Variants in GALNTL6 observed in about 807,000 individuals in gnomAD.
GALNTL6 encodes the protein polypeptide N-acetylgalactosaminyltransferase-like 6.
A neutral mutation model predicts 73.7 loss-of-function variants in GALNTL6; 46 were observed. The observed-to-expected ratio is 0.62, with a 90% CI of 0.49 to 0.80. The LOEUF (loss-of-function observed/expected upper bound fraction) is 0.80. GALNTL6 is among the 30% of genes least tolerant of loss of function. GALNTL6 has a pLI of 0.00. For synonymous variants in GALNTL6, 259 were observed against 263.7 expected (o/e 0.98, Z 0.17); for missense variants, 604 against 755.0 (o/e 0.80, Z 2.34).
chr4:172,962,362 A>G (rs1329922267), intron 10 of GALNTL6, among the ~76,000 whole-genome samples: 2 of 152,232 alleles, frequency 1.3e-5, no homozygotes, highest in Non-Finnish European at 2.9e-5. Flanking sequence ...AATTAACATT[A>G]GTATAATACT....
chr4:172,179,495 A>AT (rs1306302777), intron 2 of GALNTL6, among the ~76,000 whole-genome samples: 1 of 135,736 alleles, frequency 7.4e-6, no homozygotes, highest in Non-Finnish European at 1.5e-5. Flanking sequence ...CCACTTTTTG[A>AT]TGGGGTTGTT....
chr4:172,745,948 T>C (rs1737086431), intron 5 of GALNTL6, among the ~76,000 whole-genome samples: 1 of 152,078 alleles, frequency 6.6e-6, no homozygotes, highest in Admixed American at 6.6e-5. Flanking sequence ...GACTAAGACA[T>C]TACTGGTTTT....
chr4:173,019,143 C>A (rs984820788), intron 11 of GALNTL6, among the ~76,000 whole-genome samples: 6 of 152,078 alleles, frequency 3.9e-5, no homozygotes, highest in African/African-American at 1.4e-4. Context: ...TTAAAGACTC[C>A]AAGGTTGATA....
At chr4:172,326,209 A>G (rs915134664) in intron 4 of GALNTL6, among the ~76,000 whole-genome samples, 27 of 152,020 alleles carry the variant, frequency 1.8e-4, no homozygotes, top group Non-Finnish European at 3.4e-4. Flanking sequence ...TAAGTTTTAT[A>G]ATTCTATGTT....
At chr4:173,021,776 C>G in intron 12 of GALNTL6, 151 bp downstream of exon 12, 1 of 742,444 alleles carries the variant, frequency 1.3e-6, no homozygotes, top group Non-Finnish European at 2.2e-6. Flanking sequence ...GGCAGATCAC[C>G]TGAGGTTGGA....
intron 2 of GALNTL6, among the ~76,000 whole-genome samples, chr4:172,033,169 C>T (rs983054044): frequency 2.0e-5 from 3 of 150,062 alleles, no homozygotes; most frequent in Admixed American, 6.6e-5. Context: ...TACACACACA[C>T]GGAGAGAGAG....
intron 12 of GALNTL6, among the ~76,000 whole-genome samples, chr4:173,036,750 A>G (rs2126543278): frequency 6.6e-6 from 1 of 152,324 alleles, no homozygotes; most frequent in Middle Eastern, 3.4e-3. Flanking sequence ...CAACCTAGTT[A>G]AAAGCACAGA....
chr4:172,500,854 G>A (rs1213599390), intron 5 of GALNTL6, among the ~76,000 whole-genome samples: 3 of 152,192 alleles, frequency 2.0e-5, no homozygotes, highest in Admixed American at 6.5e-5. Context: ...GTCATCTGAT[G>A]CGGTGCTCAA....
chr4:172,153,635 G>T (rs940508460), intron 2 of GALNTL6, among the ~76,000 whole-genome samples: 2 of 152,120 alleles, frequency 1.3e-5, no homozygotes, highest in Admixed American at 6.6e-5. Context: ...TGCATAAATT[G>T]CCACGCTGGT....
intron 7 of GALNTL6, among the ~76,000 whole-genome samples, chr4:172,830,518 AAAG>A (rs1184014883): frequency 6.6e-6 from 1 of 152,214 alleles, no homozygotes; most frequent in Admixed American, 6.5e-5. Flanking sequence ...TTGTTTTTGC[AAAG>A]GAGGCTTTAA....
intron 5 of GALNTL6, among the ~76,000 whole-genome samples, chr4:172,633,932 C>T (rs189408007): frequency 2.7e-4 from 41 of 152,320 alleles, no homozygotes; most frequent in Non-Finnish European, 4.9e-4. Flanking sequence ...GCTCATCATT[C>T]GCCTTCTGGC....
chr4:172,327,828 G>A (rs1440222517), intron 4 of GALNTL6, among the ~76,000 whole-genome samples: 1 of 151,906 alleles, frequency 6.6e-6, no homozygotes, highest in Non-Finnish European at 1.5e-5. Context: ...ATATCATCTG[G>A]CTTGCTTTTT....
chr4:172,725,892 A>G (rs1735766562), intron 5 of GALNTL6, among the ~76,000 whole-genome samples: 1 of 152,228 alleles, frequency 6.6e-6, no homozygotes, highest in African/African-American at 2.4e-5. Context: ...AGGGATAATA[A>G]TGGTACTTAT....
At chr4:172,244,077 A>G (rs1215426490) in intron 3 of GALNTL6, among the ~76,000 whole-genome samples, 1 of 152,178 alleles carries the variant, frequency 6.6e-6, no homozygotes, top group Admixed American at 6.5e-5. Context: ...CTCTCAATAG[A>G]TATCATAATG....
chr4:172,446,776 A>G (rs746680229), intron 5 of GALNTL6, among the ~76,000 whole-genome samples: 2 of 152,136 alleles, frequency 1.3e-5, no homozygotes, highest in East Asian at 1.9e-4. Context: ...AGCCTTCATC[A>G]TGTCCCCTTG....
intron 5 of GALNTL6, among the ~76,000 whole-genome samples, chr4:172,801,039 A>G (rs2110959851): frequency 6.6e-6 from 1 of 152,312 alleles, no homozygotes; most frequent in Non-Finnish European, 1.5e-5. Flanking sequence ...AGGAAAAAAT[A>G]TATAATTGAA....
At chr4:172,908,159 GAAC>G (rs1747006286) in intron 8 of GALNTL6, among the ~76,000 whole-genome samples, 1 of 152,160 alleles carries the variant, frequency 6.6e-6, no homozygotes, top group Non-Finnish European at 1.5e-5. Context: ...ACACTATTCA[GAAC>G]AACACACAAT....
intron 8 of GALNTL6, among the ~76,000 whole-genome samples, chr4:172,897,940 A>T (rs1746415310): frequency 6.6e-6 from 1 of 152,194 alleles, no homozygotes; most frequent in African/African-American, 2.4e-5. Flanking sequence ...TCAAGCTTTC[A>T]TTTGCAGGGA....
chr4:173,022,312 G>T (rs1175145196), intron 12 of GALNTL6, among the ~76,000 whole-genome samples: 2 of 152,232 alleles, frequency 1.3e-5, no homozygotes, highest in Non-Finnish European at 2.9e-5. Context: ...GAAAAATCGT[G>T]TGTGTAGAAA....
Sources: allele counts gnomAD v4.1 joint callset (sites outside exome capture counted in the v4.1 genomes callset), GRCh38; gene constraint gnomAD v4.1.1; transcripts MANE v1.5; gene names NCBI Gene and HGNC (gene_info 2026-07-23, HGNC 2026-07-21).